Variants in HHIPL2 observed in about 807,000 individuals in gnomAD.
HHIPL2 encodes the protein HHIP like 2.
A neutral mutation model predicts 61.0 loss-of-function variants in HHIPL2; 61 were observed. The ratio of observed to expected loss-of-function variants is 1.00; its 90% confidence interval spans 0.81 to 1.24. HHIPL2 has a LOEUF of 1.24. HHIPL2 is among the 50% of genes most tolerant of loss of function. The probability of loss-of-function intolerance (pLI) is 0.00; values close to 1 mark genes in which losing one functional copy is unlikely to be tolerated. For missense variants in HHIPL2, 885 were observed against 910.2 expected (o/e 0.97, Z 0.36); for synonymous variants, 343 against 357.4 (o/e 0.96, Z 0.45).
chr1:222,532,010 C>T lies in HHIPL2; in HGVS notation c.1679G>A (p.Ser560Asn). ...GGAGATGATGAACTTGCTATGGGTG[C>T]TGATCAGCCCTGGGAAGGCACAGGA... ...TTSCAFPGLI[S>N]THSKFIISFA... Residue 560 changes from serine (S) to asparagine (N), a missense_variant, in exon 6 of 9, where the codon AGC becomes AAC. By Grantham distance (46) the Ser-to-Asn change is conservative. Transcript: ENST00000343410. 6.2e-7 allele frequency: 1 copy of T among 1,612,826 alleles called. No homozygotes were observed. The highest frequency in any genetic ancestry group is 2.2e-5 in the East Asian group (1 of 44,860).
intron 5 of HHIPL2, 74 bp from the exon 6 acceptor site, chr1:222,532,185 AGAGATCCCTGAGTACTAGGACT>A: frequency 7.2e-7 from 1 of 1,396,760 alleles, no homozygotes; most frequent in Non-Finnish European, 9.7e-7. Flanking sequence ...TCCTAGAATC[AGAGATCCCTGAGTACTAGGACT>A]GAGTCCCCCA....
chr1:222,529,408 C>A (rs1659141868), intron 6 of HHIPL2, among the ~76,000 whole-genome samples: 1 of 152,162 alleles, frequency 6.6e-6, no homozygotes, highest in African/African-American at 2.4e-5. Flanking sequence ...TCCACGTGTA[C>A]ACAGGCAGGG....
At chr1:222,528,025 C>T (rs2102610800) in intron 6 of HHIPL2, among the ~76,000 whole-genome samples, 1 of 152,272 alleles carries the variant, frequency 6.6e-6, no homozygotes, top group East Asian at 1.9e-4. Flanking sequence ...AGAAAGAGCC[C>T]CCTGCTCCTT....
At chr1:222,525,954 G>A (rs1042340853) in intron 7 of HHIPL2, among the ~76,000 whole-genome samples, 24 of 152,044 alleles carry the variant, frequency 1.6e-4, no homozygotes, top group African/African-American at 4.8e-5. Flanking sequence ...AGCCGAGATC[G>A]TGTCACTGCA....
intron 5 of HHIPL2, among the ~76,000 whole-genome samples, chr1:222,533,314 G>A (rs572137002): frequency 4.0e-5 from 6 of 150,538 alleles, no homozygotes; most frequent in East Asian, 2.0e-4. Context: ...GCGGTGAGCC[G>A]AGATTGCACC....
chr1:222,537,231 T>A (rs989855126), intron 5 of HHIPL2, among the ~76,000 whole-genome samples: 1 of 151,588 alleles, frequency 6.6e-6, no homozygotes, highest in East Asian at 1.9e-4. Context: ...CTATATCTAA[T>A]ACAAATTTTC....
intron 1 of HHIPL2, 90 bp downstream of exon 1, chr1:222,547,633 AG>A (rs1277988944): frequency 2.7e-6 from 3 of 1,112,046 alleles, no homozygotes; most frequent in African/African-American, 3.1e-5. Flanking sequence ...GAACTTCTAA[AG>A]GGCTGGGCTC....
chr1:222,539,549 A>AG (rs1558130840), intron 4 of HHIPL2, among the ~76,000 whole-genome samples: 1 of 140,722 alleles, frequency 7.1e-6, no homozygotes, highest in African/African-American at 2.6e-5. Flanking sequence ...AAAAAAAAAA[A>AG]GAAAGAAAGA....
At chr1:222,526,732 A>G (rs538787392) in intron 7 of HHIPL2, among the ~76,000 whole-genome samples, 2 of 148,906 alleles carry the variant, frequency 1.3e-5, no homozygotes, top group East Asian at 4.0e-4. Context: ...AAAAAAAGCC[A>G]CAGACCTAGA....
chr1:222,545,236 A>G (rs1659529617), intron 1 of HHIPL2, among the ~76,000 whole-genome samples: 1 of 152,186 alleles, frequency 6.6e-6, no homozygotes, highest in South Asian at 2.1e-4. Context: ...CCTTCTGATC[A>G]CTAAGGACTC....
rs767302308 is a variant in HHIPL2, at chr1:222,543,938, G to A, written c.573C>T (p.Asn191=). ...FPNVLRNDYL[N]RHLGMVAQDP... is the part of the protein sequence containing the mutation. ...CTTGGGCCACCATGCCCAGGTGGCGGTTGAGATAGTCGTTCCTCAGGACAT... is the reference window on the plus strand; with the variant it reads ...CTTGGGCCACCATGCCCAGGTGGCGATTGAGATAGTCGTTCCTCAGGACAT... The change falls in exon 2 of 9, where the codon AAC becomes AAT. Residue 191 remains asparagine, a synonymous_variant. Coordinates refer to ENST00000343410, the MANE Select transcript of HHIPL2 (RefSeq NM_024746.4). The A allele has an allele frequency of 1.9e-6, 3 of 1,614,216 alleles. No homozygotes were observed. The highest frequency in any genetic ancestry group is 2.5e-6 in the Non-Finnish European group (3 of 1,180,028).
intron 7 of HHIPL2, 46 bp downstream of exon 7, chr1:222,526,923 G>T: frequency 1.3e-6 from 2 of 1,493,688 alleles, no homozygotes; most frequent in South Asian, 1.2e-5. Flanking sequence ...ATGGAGATAA[G>T]AAATGAGAAA....
chr1:222,539,945 T>C, intron 4 of HHIPL2, 65 bp downstream of exon 4: 11 of 1,360,058 alleles, frequency 8.1e-6, no homozygotes, highest in Non-Finnish European at 9.3e-6. Flanking sequence ...CAGGTTTTAT[T>C]CCCTACCTCC....
At chr1:222,523,479 G>A in intron 8 of HHIPL2, 133 bp downstream of exon 8, 1 of 762,658 alleles carries the variant, frequency 1.3e-6, no homozygotes, top group Admixed American at 2.1e-5. Context: ...CTGTTATGCA[G>A]AGGAGACGTA....
In HHIPL2 at chr1:222,543,946, A is replaced by G. The variant is rs760627174; in HGVS notation, c.565T>C (p.Tyr189His). Residue 189 changes from tyrosine to histidine, a missense_variant, in exon 2 of 9, where the codon TAT (tyrosine) becomes CAT (histidine). Coordinates refer to ENST00000343410, the MANE Select transcript of HHIPL2 (RefSeq NM_024746.4). ...YCFPNVLRNDYLNRHLGMVAQ... is the reference protein window; with the variant it reads ...YCFPNVLRNDHLNRHLGMVAQ... ...ACCATGCCCAGGTGGCGGTTGAGAT[A>G]GTCGTTCCTCAGGACATTAGGGAAG... 6.2e-7 allele frequency: 1 copy of G among 1,614,194 alleles called. No individual in the cohort carries two copies. Among genetic ancestry groups the G allele is most frequent in the South Asian group, 1.1e-5 (1 of 91,090 alleles).
At chr1:222,523,468 T>C in intron 8 of HHIPL2, 144 bp downstream of exon 8, 1 of 692,718 alleles carries the variant, frequency 1.4e-6, no homozygotes, top group South Asian at 1.8e-5. Flanking sequence ...TCATAACTCC[T>C]CTGTTATGCA....
intron 6 of HHIPL2, among the ~76,000 whole-genome samples, chr1:222,531,193 C>G (rs1030250239): frequency 1.3e-5 from 2 of 152,244 alleles, no homozygotes; most frequent in Admixed American, 6.5e-5. Flanking sequence ...TAAAATTCTC[C>G]TTTTCTCACA....
chr1:222,529,957 A>T (rs1415117568), intron 6 of HHIPL2, among the ~76,000 whole-genome samples: 5 of 152,238 alleles, frequency 3.3e-5, no homozygotes, highest in African/African-American at 1.2e-4. Flanking sequence ...CTCAGAGGAA[A>T]AGAATATGGC....
At chr1:222,534,388 A>G (rs1395847676) in intron 5 of HHIPL2, among the ~76,000 whole-genome samples, 1 of 152,090 alleles carries the variant, frequency 6.6e-6, no homozygotes, top group Non-Finnish European at 1.5e-5. Context: ...GAACATTTAA[A>G]CAATGATTCT....
Sources: allele counts gnomAD v4.1 joint callset (sites outside exome capture counted in the v4.1 genomes callset), GRCh38; gene constraint gnomAD v4.1.1; transcripts MANE v1.5; gene names NCBI Gene and HGNC (gene_info 2026-07-23, HGNC 2026-07-21).